SPAST: variants seen among roughly 807,000 people sequenced by gnomAD.
SPAST encodes the protein spastin.
SPAST carries 30 observed loss-of-function variants against 76.6 expected under a neutral mutation model. That is an observed-to-expected ratio of 0.39 (90% confidence interval 0.29 to 0.53). The LOEUF is 0.53. Ranked by LOEUF, SPAST falls within the 20% of genes least tolerant of loss-of-function variation. SPAST has a pLI of 0.68. For missense variants in SPAST, 717 were observed against 770.5 expected (o/e 0.93, Z 0.82); for synonymous variants, 305 against 281.0 (o/e 1.09, Z -0.86).
At position 32,145,005 on chromosome 2, in the gene SPAST, G is replaced by A. The variant is rs863224923; in HGVS notation, c.1685G>A (p.Arg562Gln). The A allele has an allele frequency of 1.2e-6, 2 of 1,607,838 alleles. No homozygotes were observed. The highest frequency in any genetic ancestry group is 1.7e-6 in the Non-Finnish European group (2 of 1,175,206). The change falls in exon 15 of 17, where the codon CGA becomes CAA. Residue 562 changes from arginine (R) to glutamine (Q), a missense_variant and splice_region_variant. Physicochemically the swap from Arg to Gln is conservative, Grantham distance 43. Transcript: ENST00000315285. Reference protein sequence around the residue: ...LAKDAALGPIRELKPEQVKNM... With the variant: ...LAKDAALGPIQELKPEQVKNM... ...AAAGATGCAGCACTGGGTCCTATCCGAGGTAGGTATACAAGAGCTTAAAAC... is the reference window on the plus strand; with the variant it reads ...AAAGATGCAGCACTGGGTCCTATCCAAGGTAGGTATACAAGAGCTTAAAAC...
At chr2:32,140,627 A>AG (rs1558338958) in intron 12 of SPAST, among the ~76,000 whole-genome samples, 1 of 151,796 alleles carries the variant, frequency 6.6e-6, no homozygotes, top group African/African-American at 2.4e-5. Context: ...AAAAAAAAAA[A>AG]GAAAAAATTT....
intron 4 of SPAST, among the ~76,000 whole-genome samples, chr2:32,111,482 A>G (rs10169478): frequency 0.08 from 11,994 of 150,572 alleles, 574 homozygotes; most frequent in Middle Eastern, 0.13. Context: ...ACATATACAT[A>G]TAGTTATTTT....
chr2:32,091,267 T>G (rs1677704810), intron 3 of SPAST, among the ~76,000 whole-genome samples: 1 of 143,790 alleles, frequency 7.0e-6, no homozygotes, highest in Admixed American at 7.1e-5. Context: ...TTATTATTAT[T>G]ATTATTATTA....
At chr2:32,115,637 A>T in intron 5 of SPAST, 65 bp from the exon 6 acceptor site, 1 of 1,254,896 alleles carries the variant, frequency 8.0e-7, no homozygotes, top group Non-Finnish European at 1.1e-6. Flanking sequence ...CTTTAAGGTT[A>T]ACTTATTTAT....
intron 4 of SPAST, among the ~76,000 whole-genome samples, chr2:32,110,863 TAC>T (rs1383598267): frequency 3.3e-5 from 4 of 119,948 alleles, no homozygotes; most frequent in African/African-American, 1.3e-4. Flanking sequence ...AGAGTATATA[TAC>T]AGTATACTAT....
intron 4 of SPAST, among the ~76,000 whole-genome samples, chr2:32,111,702 C>T (rs1034218724): frequency 6.6e-6 from 1 of 150,724 alleles, no homozygotes; most frequent in African/African-American, 2.4e-5. Context: ...AGAAGACCTC[C>T]TTTAGTAGTT....
chr2:32,095,899 T>C (rs1677897394), intron 3 of SPAST, among the ~76,000 whole-genome samples: 2 of 152,074 alleles, frequency 1.3e-5, no homozygotes, highest in South Asian at 2.1e-4. Flanking sequence ...AGGCAGATCA[T>C]GGATGGCCTG....
At chr2:32,147,708 T>A (rs1679941816) in intron 16 of SPAST, among the ~76,000 whole-genome samples, 1 of 152,004 alleles carries the variant, frequency 6.6e-6, no homozygotes, top group Non-Finnish European at 1.5e-5. Context: ...CTCAGCTCAC[T>A]GCAAGCTCTG....
At chr2:32,143,017 A>C (rs896703815) in intron 13 of SPAST, among the ~76,000 whole-genome samples, 11 of 152,064 alleles carry the variant, frequency 7.2e-5, no homozygotes, top group Non-Finnish European at 1.2e-4. Flanking sequence ...TATAATCCCA[A>C]CACTTTGGGA....
At chr2:32,080,600 T>TA (rs34928745) in intron 1 of SPAST, among the ~76,000 whole-genome samples, 60,451 of 151,690 alleles carry the variant, frequency 0.4, 12,329 homozygotes, top group East Asian at 0.64. Flanking sequence ...TGTTGGGAGC[T>TA]AATGTTAAAG....
intron 14 of SPAST, among the ~76,000 whole-genome samples, chr2:32,143,861 C>G (rs758928347): frequency 2.0e-5 from 3 of 152,058 alleles, no homozygotes; most frequent in Non-Finnish European, 2.9e-5. Context: ...GAGTGAGACC[C>G]TGTCTCAAAA....
intron 5 of SPAST, 132 bp from the exon 6 acceptor site, chr2:32,115,570 T>C (rs1013855313): frequency 1.5e-5 from 10 of 653,182 alleles, no homozygotes; most frequent in Non-Finnish European, 2.1e-5. Context: ...TAAATAAATA[T>C]ACAATTTATG....
chr2:32,097,770 T>C (rs1677975320), intron 3 of SPAST, among the ~76,000 whole-genome samples: 2 of 149,964 alleles, frequency 1.3e-5, no homozygotes, highest in South Asian at 4.3e-4. Context: ...CTCAGCTCAC[T>C]GCAACCTCCA....
At chr2:32,095,058 G>A (rs1195336973) in intron 3 of SPAST, among the ~76,000 whole-genome samples, 1 of 152,218 alleles carries the variant, frequency 6.6e-6, no homozygotes, top group African/African-American at 2.4e-5. Context: ...TTGCATTATA[G>A]ACTCTAAGGG....
At chr2:32,144,096 ATAAAGTAATATAAAG>A (rs1679811280) in intron 14 of SPAST, among the ~76,000 whole-genome samples, 1 of 152,210 alleles carries the variant, frequency 6.6e-6, no homozygotes, top group Non-Finnish European at 1.5e-5. Context: ...GAAAAATGTC[ATAAAGTAATATAAAG>A]TATTCAATGA....
intron 12 of SPAST, among the ~76,000 whole-genome samples, chr2:32,138,258 C>CT (rs1207712355): frequency 6.6e-6 from 1 of 152,160 alleles, no homozygotes; most frequent in Admixed American, 6.6e-5. Context: ...AATGACTGAA[C>CT]TTTACATTCC....
At chr2:32,069,530 T>C (rs1676662597) in intron 1 of SPAST, among the ~76,000 whole-genome samples, 2 of 151,408 alleles carry the variant, frequency 1.3e-5, no homozygotes, top group African/African-American at 4.9e-5. Flanking sequence ...GCACTGCCAT[T>C]CCCTTGGCAA....
At chr2:32,118,382 G>GT (rs1678912951) in intron 7 of SPAST, among the ~76,000 whole-genome samples, 1 of 152,044 alleles carries the variant, frequency 6.6e-6, no homozygotes, top group African/African-American at 2.4e-5. Flanking sequence ...TGCAAGTTAG[G>GT]TTTTCGCTAA....
rs533607355 is a variant in SPAST at position 32,123,405 on chromosome 2, A to G, written c.1099-3543A>G. On this transcript the variant is annotated intron_variant, in intron 7 of 16. Coordinates refer to ENST00000315285, the MANE Select transcript of SPAST (RefSeq NM_014946.4). Reference sequence around the variant, plus strand: ...CAAAGATCTAAGTAAACTGAGAGATATTCCATGTAAATGGACAGGGAGACT... The same window carrying G: ...CAAAGATCTAAGTAAACTGAGAGATGTTCCATGTAAATGGACAGGGAGACT... Among the ~76,000 whole-genome samples the G allele has an allele frequency of 8.5e-5, 13 of 152,346 alleles. 1 individual carries two copies. The South Asian group carries it at 2.7e-3, about 32-fold the overall frequency.
Sources: gnomAD v4.1 joint callset for allele counts (sites outside exome capture counted in the v4.1 genomes callset) on GRCh38, gnomAD v4.1.1 for gene constraint, MANE v1.5 for transcripts, NCBI Gene and HGNC (gene_info 2026-07-23, HGNC 2026-07-21) for gene names.